The following SCAPER variants were observed in gnomAD, a reference collection of about 807,000 sequenced individuals.
SCAPER encodes the protein S phase cyclin A-associated protein in the endoplasmic reticulum.
In SCAPER, 98 loss-of-function variants were observed where a neutral mutation model predicts 182.2. The ratio of observed to expected loss-of-function variants is 0.54; its 90% CI spans 0.46 to 0.64. SCAPER has a LOEUF of 0.64. Among genes scored for constraint, SCAPER ranks in the 30% least tolerant of loss-of-function variants. The pLI is 0.00. For synonymous variants in SCAPER, 605 were observed against 564.6 expected (o/e 1.07, Z -1.01); for missense variants, 1,432 against 1,690.0 (o/e 0.85, Z 2.68).
intron 17 of SCAPER, among the ~76,000 whole-genome samples, chr15:76,722,133 T>C (rs537960229): frequency 1.3e-5 from 2 of 152,198 alleles, no homozygotes; most frequent in Non-Finnish European, 2.9e-5. Flanking sequence ...ATTTTTAGCA[T>C]GAAGGGTTGT....
At chr15:76,685,568 T>C (rs2057993683) in intron 20 of SCAPER, among the ~76,000 whole-genome samples, 1 of 152,080 alleles carries the variant, frequency 6.6e-6, no homozygotes, top group South Asian at 2.1e-4. Flanking sequence ...ACGAATATTC[T>C]TAAAGGCCTA....
intron 21 of SCAPER, among the ~76,000 whole-genome samples, chr15:76,640,919 T>C (rs1234690024): frequency 2.6e-5 from 4 of 152,144 alleles, no homozygotes; most frequent in Non-Finnish European, 5.9e-5. Flanking sequence ...ATCACCAAGA[T>C]GCCTATCCCA....
chr15:76,440,369 T>C (rs2047479616), intron 25 of SCAPER, among the ~76,000 whole-genome samples: 2 of 152,252 alleles, frequency 1.3e-5, no homozygotes, highest in Admixed American at 1.3e-4. Flanking sequence ...TTTCAAATAC[T>C]TTCAACATTC....
chr15:76,700,208 C>T (rs571796127), intron 20 of SCAPER, among the ~76,000 whole-genome samples: 5 of 152,342 alleles, frequency 3.3e-5, no homozygotes, highest in East Asian at 1.9e-4. Flanking sequence ...GCAGGTCTGA[C>T]GGACAATAAT....
intron 1 of SCAPER, among the ~76,000 whole-genome samples, chr15:76,888,925 G>A (rs780160831): frequency 1.2e-4 from 19 of 152,210 alleles, no homozygotes; most frequent in African/African-American, 4.3e-4. Context: ...GGCAGCCAGA[G>A]AGAAAGGTCA....
At chr15:76,725,645 T>C (rs539819869) in intron 17 of SCAPER, among the ~76,000 whole-genome samples, 2 of 152,070 alleles carry the variant, frequency 1.3e-5, no homozygotes, top group South Asian at 2.1e-4. Flanking sequence ...AAAACAGACA[T>C]GTATATAGTC....
At position 76,845,579 on chromosome 15, in the gene SCAPER, GA is replaced by G. The variant is rs534898242; in HGVS notation, c.196-3649del. On this transcript the variant is annotated intron_variant, in intron 4 of 31. Transcript: ENST00000563290. Reference sequence around the variant, plus strand: ...TCTACATGCTAACAGTGAACAATCTGAAAAAAAAAATGGTAATTCCATTTAC... The same window carrying G: ...TCTACATGCTAACAGTGAACAATCTGAAAAAAAAATGGTAATTCCATTTAC... Among the ~76,000 whole-genome samples, 260 of 144,196 alleles carry G rather than the reference GA, an allele frequency of 1.8e-3. 2 individuals are homozygous for G. Among genetic ancestry groups the G allele is most frequent in the African/African-American group, 5.6e-3 (219 of 39,394 alleles). The allele number at this position is 144,196 out of a possible 152,430, so 94.6% of individuals were successfully genotyped here. A position where few individuals can be genotyped will look rare whatever the true frequency, so the allele number is the denominator to read the frequency against.
At chr15:76,829,592 T>C (rs1277662497) in intron 5 of SCAPER, among the ~76,000 whole-genome samples, 1 of 152,162 alleles carries the variant, frequency 6.6e-6, no homozygotes. Flanking sequence ...CAACTCCTTT[T>C]ACTCTATTGA....
At chr15:76,872,567 A>G (rs2072802499) in intron 2 of SCAPER, among the ~76,000 whole-genome samples, 1 of 149,944 alleles carries the variant, frequency 6.7e-6, no homozygotes, top group African/African-American at 2.5e-5. Flanking sequence ...CTAAAAGAAA[A>G]TTACTGTTTT....
At chr15:76,660,909 C>A (rs1160691765) in intron 21 of SCAPER, among the ~76,000 whole-genome samples, 1 of 151,214 alleles carries the variant, frequency 6.6e-6, no homozygotes, top group Non-Finnish European at 1.5e-5. Context: ...AAAAAAAAAA[C>A]TGTTTCTATA....
intron 23 of SCAPER, among the ~76,000 whole-genome samples, chr15:76,559,293 T>C (rs975383106): frequency 1.3e-5 from 2 of 150,546 alleles, no homozygotes; most frequent in South Asian, 2.1e-4. Context: ...TGACCTCAAG[T>C]GATCCACCTG....
At chr15:76,664,265 A>G (rs1041555024) in intron 21 of SCAPER, among the ~76,000 whole-genome samples, 1 of 152,194 alleles carries the variant, frequency 6.6e-6, no homozygotes, top group Non-Finnish European at 1.5e-5. Flanking sequence ...AATCCAGGTA[A>G]GAGCTGACTG....
intron 22 of SCAPER, among the ~76,000 whole-genome samples, chr15:76,613,424 T>C (rs1435370270): frequency 6.6e-6 from 1 of 152,072 alleles, no homozygotes; most frequent in Non-Finnish European, 1.5e-5. Flanking sequence ...TGACAAATGG[T>C]ATCTCATTAA....
intron 5 of SCAPER, among the ~76,000 whole-genome samples, chr15:76,807,781 G>A (rs1040927992): frequency 6.8e-6 from 1 of 148,134 alleles, no homozygotes; most frequent in Non-Finnish European, 1.5e-5. Context: ...CGCTAAAGTT[G>A]GGAATTATTT....
At chr15:76,397,785 T>C (rs1437884007) in intron 27 of SCAPER, among the ~76,000 whole-genome samples, 1 of 152,078 alleles carries the variant, frequency 6.6e-6, no homozygotes, top group Non-Finnish European at 1.5e-5. Flanking sequence ...TCAGGAGACT[T>C]TTATTATAGC....
At chr15:76,668,650 TA>T (rs919281189) in intron 20 of SCAPER, among the ~76,000 whole-genome samples, 102 of 152,324 alleles carry the variant, frequency 6.7e-4, no homozygotes, top group African/African-American at 2.4e-3. Context: ...GTCATCTCCT[TA>T]TTTCTTCATA....
chr15:76,505,025 A>G, intron 23 of SCAPER, 51 bp from the exon 24 acceptor site: 2 of 1,305,648 alleles, frequency 1.5e-6, no homozygotes, highest in South Asian at 2.6e-5. Flanking sequence ...GCATTAAACT[A>G]TAACCAAATG....
In SCAPER at chr15:76,829,864, T is replaced by C. The variant is rs767666993; in HGVS notation, c.393+11870A>G. Among the ~76,000 whole-genome samples, 4 of 152,304 alleles carry C rather than the reference T, an allele frequency of 2.6e-5. 1 individual carries two copies. Among genetic ancestry groups the C allele is most frequent in the South Asian group, 4.1e-4 (2 of 4,824 alleles). On this transcript the variant is annotated intron_variant, in intron 5 of 31. Coordinates refer to ENST00000563290, the MANE Select transcript of SCAPER (RefSeq NM_020843.4). ...GATGGAGGGGTAAACAATACAGTGT[T>C]GTTTCTATCCTCATGGAGCTTAGTG...
At chr15:76,701,698 T>G in intron 20 of SCAPER, 60 bp downstream of exon 20, 1 of 1,300,962 alleles carries the variant, frequency 7.7e-7, no homozygotes, top group South Asian at 1.2e-5. Context: ...TTCTTTATAA[T>G]AAAACAGCAC....
Sources: gnomAD v4.1 joint callset for allele counts (sites outside exome capture counted in the v4.1 genomes callset) on GRCh38, gnomAD v4.1.1 for gene constraint, MANE v1.5 for transcripts, NCBI Gene and HGNC (gene_info 2026-07-23, HGNC 2026-07-21) for gene names.